Variants in EPHA5 observed in about 807,000 individuals in gnomAD.
EPHA5 encodes the protein ephrin type-A receptor 5.
EPHA5 carries 60 observed loss-of-function variants against 105.0 expected under a neutral mutation model. That is an observed-to-expected ratio of 0.57 (90% CI 0.46 to 0.71). EPHA5 has a LOEUF of 0.71. Among genes scored for constraint, EPHA5 ranks in the 30% least tolerant of loss-of-function variants. The pLI is 0.00. For missense variants in EPHA5, 1,218 were observed against 1,274.7 expected, an observed-to-expected ratio of 0.96 and a Z score of 0.68; for synonymous variants, 513 against 449.1, an observed-to-expected ratio of 1.14 and a Z score of -1.80.
intron 8 of EPHA5, chr4:65,376,940 G>A (rs1019726167): frequency 4.9e-6 from 7 of 1,428,298 alleles, no homozygotes; most frequent in Non-Finnish European, 5.6e-6. Context: ...AAGGAATGCC[G>A]ACGGTAATAC....
At chr4:65,383,115 CAT>C (rs986364578) in intron 8 of EPHA5, among the ~76,000 whole-genome samples, 27 of 149,246 alleles carry the variant, frequency 1.8e-4, no homozygotes, top group Non-Finnish European at 3.3e-4. Flanking sequence ...GTATTAAAAA[CAT>C]ATATATCAGA....
At chr4:65,422,592 G>A (rs1245721208) in intron 5 of EPHA5, among the ~76,000 whole-genome samples, 2 of 152,038 alleles carry the variant, frequency 1.3e-5, no homozygotes, top group African/African-American at 4.8e-5. Flanking sequence ...AGGAAATCAA[G>A]TTGTGAAGAG....
chr4:65,375,672 C>T (rs1357580900), intron 8 of EPHA5, among the ~76,000 whole-genome samples: 1 of 151,744 alleles, frequency 6.6e-6, no homozygotes, highest in African/African-American at 2.4e-5. Context: ...GTAGATTCTG[C>T]TTATTCTGCT....
chr4:65,441,805 T>C (rs1302042327), intron 5 of EPHA5, among the ~76,000 whole-genome samples: 3 of 152,128 alleles, frequency 2.0e-5, no homozygotes, highest in Non-Finnish European at 2.9e-5. Flanking sequence ...TTAAGAAATA[T>C]AATCTAAGCT....
At chr4:65,378,315 C>A (rs1163004104) in intron 8 of EPHA5, among the ~76,000 whole-genome samples, 1 of 151,836 alleles carries the variant, frequency 6.6e-6, no homozygotes, top group Non-Finnish European at 1.5e-5. Context: ...TCATTATTTT[C>A]ACTGTAGAGA....
At chr4:65,575,271 C>T (rs1376432573) in intron 3 of EPHA5, among the ~76,000 whole-genome samples, 1 of 149,456 alleles carries the variant, frequency 6.7e-6, no homozygotes, top group Non-Finnish European at 1.5e-5. Flanking sequence ...GGATGGTCAG[C>T]TACCCAAATC....
At chr4:65,543,994 A>T (rs1467885258) in intron 3 of EPHA5, among the ~76,000 whole-genome samples, 1 of 152,146 alleles carries the variant, frequency 6.6e-6, no homozygotes, top group Non-Finnish European at 1.5e-5. Flanking sequence ...TATTTAATAA[A>T]TGTTGCTGGG....
rs2149213190 is a variant in EPHA5, at chr4:65,490,528, C to T, written c.1251G>A (p.Arg417=). 1 of 1,614,068 alleles carries T rather than the reference C, an allele frequency of 6.2e-7. No individual in the cohort carries two copies. The highest frequency in any genetic ancestry group is 8.5e-7 in the Non-Finnish European group (1 of 1,180,002). ...ECGGHVRYLP[R]QSGLKNTSVM... is the part of the protein sequence containing the mutation. Reference sequence around the variant, plus strand: ...CAGAGGTGTTTTTCAGGCCGCTTTGCCGGGGAAGGTACCTGACATGACCGC... The same window carrying T: ...CAGAGGTGTTTTTCAGGCCGCTTTGTCGGGGAAGGTACCTGACATGACCGC... Residue 417 remains arginine (R), a synonymous_variant, in exon 5 of 17, where the codon CGG becomes CGA. Transcript: ENST00000613740.
At chr4:65,496,683 T>C (rs1490651918) in intron 3 of EPHA5, among the ~76,000 whole-genome samples, 1 of 152,022 alleles carries the variant, frequency 6.6e-6, no homozygotes, top group Non-Finnish European at 1.5e-5. Context: ...AATGCCGCAA[T>C]AAACATACGT....
At chr4:65,423,359 A>G (rs1266122142) in intron 5 of EPHA5, among the ~76,000 whole-genome samples, 1 of 151,962 alleles carries the variant, frequency 6.6e-6, no homozygotes, top group Non-Finnish European at 1.5e-5. Flanking sequence ...AGCATTCAAT[A>G]TTGTACTTTT....
chr4:65,502,184 T>C (rs1367783677), intron 3 of EPHA5, among the ~76,000 whole-genome samples: 6 of 151,634 alleles, frequency 4.0e-5, no homozygotes, highest in South Asian at 4.1e-4. Context: ...ATTCTAGACA[T>C]TGACTTTGAA....
chr4:65,613,524 T>C lies in EPHA5; in HGVS notation c.247-11220A>G, dbSNP rs1237191410. Among the ~76,000 whole-genome samples, 11 of 152,200 alleles carry C rather than the reference T, an allele frequency of 7.2e-5. No individual in the cohort carries two copies. In the East Asian group the frequency reaches 2.1e-3, roughly 29 times the overall value. On this transcript the variant is annotated intron_variant, in intron 2 of 16. Coordinates refer to ENST00000613740, the MANE Select transcript of EPHA5 (RefSeq NM_001281766.3). ...TCCATAAGAATGGGATGATCTTCAA[T>C]TTGTTTGTGTCATCTATGGTTTATT...
At chr4:65,500,891 T>C (rs1732421818) in intron 3 of EPHA5, among the ~76,000 whole-genome samples, 1 of 151,176 alleles carries the variant, frequency 6.6e-6, no homozygotes, top group Non-Finnish European at 1.5e-5. Context: ...AGACTATCGT[T>C]GTTTGCAGTG....
chr4:65,473,789 C>T (rs1252421745), intron 5 of EPHA5, among the ~76,000 whole-genome samples: 1 of 151,940 alleles, frequency 6.6e-6, no homozygotes, highest in African/African-American at 2.4e-5. Context: ...AAACATCACC[C>T]AAGTAGTGAT....
At chr4:65,400,982 C>A (rs1721756302) in intron 8 of EPHA5, among the ~76,000 whole-genome samples, 1 of 151,468 alleles carries the variant, frequency 6.6e-6, no homozygotes, top group South Asian at 2.1e-4. Flanking sequence ...ATATCATATT[C>A]CAGATATTAG....
intron 3 of EPHA5, among the ~76,000 whole-genome samples, chr4:65,507,662 C>T (rs10000732): frequency 0.71 from 107,505 of 151,954 alleles, 38,185 homozygotes; most frequent in East Asian, 0.83. Context: ...GATTTTCCTC[C>T]CTATTTGTCT....
In EPHA5 at chr4:65,663,555, T is replaced by C. The variant is rs993001212; in HGVS notation, c.181+6007A>G. On this transcript the variant is annotated intron_variant, in intron 1 of 16. Transcript: ENST00000613740. ...TTCTTATGTATCTTATAGCACTTTT[T>C]CCTTCTGTTTATTTTTCTTTGCACT... 5.3e-5 allele frequency among the ~76,000 whole-genome samples: 8 copies of C among 152,072 alleles called. 1 individual carries two copies. Among genetic ancestry groups the C allele is most frequent in the African/African-American group, 1.9e-4 (8 of 41,452 alleles).
At chr4:65,551,000 T>TTA (rs80172072) in intron 3 of EPHA5, among the ~76,000 whole-genome samples, 2,980 of 151,150 alleles carry the variant, frequency 0.02, 41 homozygotes, top group Non-Finnish European at 0.025. Flanking sequence ...TATTTGTGCA[T>TTA]TATATATATA....
intron 15 of EPHA5, among the ~76,000 whole-genome samples, chr4:65,333,049 T>C (rs946562474): frequency 2.1e-4 from 32 of 151,958 alleles, no homozygotes; most frequent in African/African-American, 7.7e-4. Flanking sequence ...ACACTTTTAA[T>C]GACACTACGT....
Sources: allele counts gnomAD v4.1 joint callset (sites outside exome capture counted in the v4.1 genomes callset), GRCh38; gene constraint gnomAD v4.1.1; transcripts MANE v1.5; gene names NCBI Gene and HGNC (gene_info 2026-07-23, HGNC 2026-07-21).